Variants in CRIM1 observed in about 807,000 individuals in gnomAD.
CRIM1 encodes the protein cysteine-rich motor neuron 1 protein.
CRIM1 carries 32 observed loss-of-function variants against 116.4 expected under a neutral mutation model. The ratio of observed to expected loss-of-function variants is 0.27; its 90% CI spans 0.21 to 0.37. The LOEUF is 0.37. CRIM1 is among the 10% of genes least tolerant of loss of function. CRIM1 has a pLI of 1.00. For missense variants in CRIM1, 1,331 were observed against 1,354.8 expected (o/e 0.98, Z 0.28); for synonymous variants, 590 against 509.2 (o/e 1.16, Z -2.13).
chr2:36,393,868 G>A (rs1270272199), intron 1 of CRIM1, among the ~76,000 whole-genome samples: 1 of 152,222 alleles, frequency 6.6e-6, no homozygotes, highest in Non-Finnish European at 1.5e-5. Context: ...GTCTGCAGAA[G>A]TAGCTACAAG....
chr2:36,376,824 A>G (rs963293976), intron 1 of CRIM1, among the ~76,000 whole-genome samples: 7 of 152,330 alleles, frequency 4.6e-5, no homozygotes, highest in Non-Finnish European at 8.8e-5. Context: ...TTTTAAAAAT[A>G]ATGAACACCA....
At chr2:36,419,715 C>G (rs1673908911) in intron 2 of CRIM1, among the ~76,000 whole-genome samples, 1 of 152,150 alleles carries the variant, frequency 6.6e-6, no homozygotes, top group Non-Finnish European at 1.5e-5. Context: ...TTCATTTTCC[C>G]TGGAGCCAAT....
intron 14 of CRIM1, among the ~76,000 whole-genome samples, chr2:36,542,070 C>T (rs562899931): frequency 2.6e-5 from 4 of 152,198 alleles, no homozygotes; most frequent in Admixed American, 6.5e-5. Context: ...TGGAGCTGTG[C>T]GTGTTCTGTG....
At chr2:36,403,008 C>T (rs1672532852) in intron 2 of CRIM1, among the ~76,000 whole-genome samples, 1 of 151,956 alleles carries the variant, frequency 6.6e-6, no homozygotes, top group Admixed American at 6.6e-5. Flanking sequence ...AAGAGATATC[C>T]CTGAGAAAAG....
intron 12 of CRIM1, among the ~76,000 whole-genome samples, chr2:36,518,553 T>C (rs1018300430): frequency 5.3e-5 from 8 of 152,244 alleles, no homozygotes; most frequent in South Asian, 2.1e-4. Flanking sequence ...GATGAACTTA[T>C]AGGGATAGCC....
intron 13 of CRIM1, among the ~76,000 whole-genome samples, chr2:36,527,561 A>C (rs1260480523): frequency 6.6e-6 from 1 of 151,908 alleles, no homozygotes; most frequent in Non-Finnish European, 1.5e-5. Flanking sequence ...ATAATACTTA[A>C]CCTTAATAGG....
chr2:36,515,730 G>A (rs967298729), intron 11 of CRIM1, among the ~76,000 whole-genome samples: 4 of 152,130 alleles, frequency 2.6e-5, no homozygotes, highest in African/African-American at 7.2e-5. Flanking sequence ...CATATCGTAC[G>A]GCAAAAAGGT....
intron 7 of CRIM1, among the ~76,000 whole-genome samples, chr2:36,496,178 G>C (rs916690759): frequency 5.3e-5 from 8 of 152,182 alleles, no homozygotes; most frequent in Non-Finnish European, 1.5e-5. Flanking sequence ...GTTTGTGTCT[G>C]AGTAGGAAAA....
rs1259114538 is a variant in CRIM1 at position 36,531,923 on chromosome 2, TG to T, written c.2429-5427del. 3 of 470,892 alleles carry T rather than the reference TG, an allele frequency of 6.4e-6. 1 individual carries two copies. In the Admixed American group the frequency reaches 7.0e-5, roughly 11 times the overall value. 29.2% of individuals were successfully genotyped at this position (470,892 alleles called of 1,614,324 possible). On this transcript the variant is annotated intron_variant, in intron 13 of 16. Coordinates refer to ENST00000280527, the MANE Select transcript of CRIM1 (RefSeq NM_016441.3). ...GCATCCCATGAGGTAAGCAGCCCCA[TG>T]GAAGGACCAGCTGCATCCAGCAAAG... is the stretch of plus-strand genomic sequence containing the variant.
chr2:36,426,358 G>T (rs1406563567), intron 2 of CRIM1, among the ~76,000 whole-genome samples: 1 of 152,098 alleles, frequency 6.6e-6, no homozygotes, highest in Non-Finnish European at 1.5e-5. Context: ...AATCTTGAAG[G>T]TCATTTGAGA....
chr2:36,447,913 G>A (rs763812007), intron 4 of CRIM1, among the ~76,000 whole-genome samples: 16 of 152,068 alleles, frequency 1.1e-4, no homozygotes, highest in Non-Finnish European at 1.8e-4. Context: ...GGTGAAATTC[G>A]GGCAGCATTA....
At chr2:36,384,347 G>A (rs1470661871) in intron 1 of CRIM1, among the ~76,000 whole-genome samples, 3 of 152,168 alleles carry the variant, frequency 2.0e-5, no homozygotes, top group East Asian at 1.9e-4. Context: ...TCAGTGTGAG[G>A]GGTCAGACTT....
intron 9 of CRIM1, among the ~76,000 whole-genome samples, chr2:36,510,729 G>C (rs1015467636): frequency 4.6e-5 from 7 of 152,096 alleles, no homozygotes; most frequent in Admixed American, 6.5e-5. Context: ...TGAGAATCTA[G>C]ATTATTCCAG....
intron 1 of CRIM1, among the ~76,000 whole-genome samples, chr2:36,373,667 C>T (rs150630235): frequency 6.6e-6 from 1 of 152,248 alleles, no homozygotes; most frequent in Non-Finnish European, 1.5e-5. Context: ...TATCCCTGAA[C>T]CTGTATGTGT....
intron 14 of CRIM1, among the ~76,000 whole-genome samples, chr2:36,539,858 A>T (rs1428398272): frequency 2.0e-5 from 3 of 152,212 alleles, no homozygotes; most frequent in Admixed American, 2.0e-4. Flanking sequence ...TCTGGGCTTC[A>T]GGAAAGAAAC....
At chr2:36,377,150 G>A (rs777962898) in intron 1 of CRIM1, among the ~76,000 whole-genome samples, 8 of 152,188 alleles carry the variant, frequency 5.3e-5, no homozygotes, top group Non-Finnish European at 1.2e-4. Flanking sequence ...GCTCAGGGGC[G>A]CTGTCCAGCC....
chr2:36,506,240 C>A (rs554400788), intron 8 of CRIM1, among the ~76,000 whole-genome samples: 2 of 151,112 alleles, frequency 1.3e-5, no homozygotes, highest in Non-Finnish European at 2.9e-5. Context: ...ATGTAGATAC[C>A]CCAGTTCACC....
intron 2 of CRIM1, among the ~76,000 whole-genome samples, chr2:36,415,313 G>A (rs973405119): frequency 2.0e-5 from 3 of 152,096 alleles, no homozygotes; most frequent in Admixed American, 6.5e-5. Flanking sequence ...CCTTTTCTTC[G>A]TGTGGTGATG....
chr2:36,442,505 G>A, intron 3 of CRIM1, 110 bp from the exon 4 acceptor site: 2 of 1,337,360 alleles, frequency 1.5e-6, no homozygotes, highest in Non-Finnish European at 2.1e-6. Context: ...GACTGGGTTT[G>A]TGGAAGCAAG....
Sources: allele counts gnomAD v4.1 joint callset (sites outside exome capture counted in the v4.1 genomes callset), GRCh38; gene constraint gnomAD v4.1.1; transcripts MANE v1.5; gene names NCBI Gene and HGNC (gene_info 2026-07-23, HGNC 2026-07-21).